LPIN2: variants seen among roughly 807,000 people sequenced by gnomAD.
The protein encoded by LPIN2 is phosphatidate phosphatase LPIN2.
Under a neutral mutation model 111.4 loss-of-function variants are expected in LPIN2, and 55 were observed. The ratio of observed to expected loss-of-function variants is 0.49; its 90% confidence interval spans 0.40 to 0.62. The LOEUF is 0.62. LPIN2 is among the 20% of genes least tolerant of loss of function. LPIN2 has a pLI of 0.00. For synonymous variants in LPIN2, 425 were observed against 414.0 expected (o/e 1.03, Z -0.32); for missense variants, 992 against 1,112.1 (o/e 0.89, Z 1.54).
chr18:2,925,622 G>C lies in LPIN2; in HGVS notation c.1794-254C>G, dbSNP rs1220024840. On this transcript the variant is annotated intron_variant, in intron 13 of 19. Coordinates refer to ENST00000677752, the MANE Select transcript of LPIN2 (RefSeq NM_001375808.2). This position sits in a 1 kb window ranked among gnomAD's most constrained non-coding sequence, Gnocchi z 4.1. The stretch of plus-strand genomic sequence containing the variant: ...CCTGCTATTTTCTGCTATGCCCAGT[G>C]AATGCTAGAAGGTCTACTGACTCTT... 1.3e-5 allele frequency among the ~76,000 whole-genome samples: 2 copies of C among 152,200 alleles called. No individual in the cohort carries two copies. The highest frequency in any genetic ancestry group is 2.4e-5 in the African/African-American group (1 of 41,448).
At chr18:2,956,791 AT>A (rs2077623013) in intron 2 of LPIN2, among the ~76,000 whole-genome samples, 1 of 152,254 alleles carries the variant, frequency 6.6e-6, no homozygotes, top group South Asian at 2.1e-4. Flanking sequence ...GAGATCAAGT[AT>A]GACATTTCTC....
chr18:2,939,365 A>G, intron 6 of LPIN2, 115 bp downstream of exon 6: 1 of 1,258,048 alleles, frequency 7.9e-7, no homozygotes, highest in Non-Finnish European at 1.2e-6. Context: ...TGAGGGCACT[A>G]TCATTTACAT....
At chr18:2,976,226 T>G (rs2078012831) in intron 1 of LPIN2, among the ~76,000 whole-genome samples, 1 of 152,228 alleles carries the variant, frequency 6.6e-6, no homozygotes, top group South Asian at 2.1e-4. Flanking sequence ...CTAATTGTGT[T>G]AATGCCCTGG....
intron 1 of LPIN2, among the ~76,000 whole-genome samples, chr18:2,988,897 T>TAAA (rs2078223852): frequency 6.6e-6 from 1 of 152,230 alleles, no homozygotes; most frequent in Admixed American, 6.5e-5. Context: ...ACAGGGCATT[T>TAAA]AGTTTGTGTA....
intron 1 of LPIN2, among the ~76,000 whole-genome samples, chr18:3,010,220 T>C (rs2078579901): frequency 6.6e-6 from 1 of 151,466 alleles, no homozygotes; most frequent in Non-Finnish European, 1.5e-5. Context: ...AGATTCAAGC[T>C]GACAGCAGGG....
intron 1 of LPIN2, among the ~76,000 whole-genome samples, chr18:2,971,128 C>T (rs964793446): frequency 6.6e-6 from 1 of 152,188 alleles, no homozygotes; most frequent in African/African-American, 2.4e-5. Context: ...AAATTACCAG[C>T]CCCCATCTTC....
At chr18:2,972,927 G>A (rs1252060824) in intron 1 of LPIN2, among the ~76,000 whole-genome samples, 1 of 152,184 alleles carries the variant, frequency 6.6e-6, no homozygotes, top group Non-Finnish European at 1.5e-5. Flanking sequence ...TACATGAGGT[G>A]ACAGATGCTG....
chr18:2,958,442 T>A (rs1332892620), intron 2 of LPIN2, among the ~76,000 whole-genome samples: 26 of 152,032 alleles, frequency 1.7e-4, no homozygotes, highest in Admixed American at 1.7e-3. Flanking sequence ...AAATTTGGGG[T>A]CTTACTTTCA....
intron 2 of LPIN2, among the ~76,000 whole-genome samples, chr18:2,954,925 C>T (rs1339253460): frequency 6.6e-6 from 1 of 152,150 alleles, no homozygotes; most frequent in Non-Finnish European, 1.5e-5. Flanking sequence ...AGTTATGGCA[C>T]AGGCAGGCCT....
At chr18:2,980,567 T>G (rs1598595706) in intron 1 of LPIN2, among the ~76,000 whole-genome samples, 1 of 152,166 alleles carries the variant, frequency 6.6e-6, no homozygotes, top group East Asian at 1.9e-4. Context: ...GACCACTGTT[T>G]GTGTTATTAA....
chr18:2,988,272 A>G (rs1332618789), intron 1 of LPIN2, among the ~76,000 whole-genome samples: 1 of 152,180 alleles, frequency 6.6e-6, no homozygotes, highest in African/African-American at 2.4e-5. Context: ...ATGCAGGCTC[A>G]TTTATGCTCT....
chr18:2,960,174 ATGTGTGTGTGTGTGTGTG>A (rs59457524), intron 2 of LPIN2, among the ~76,000 whole-genome samples: 18 of 136,632 alleles, frequency 1.3e-4, no homozygotes, highest in Middle Eastern at 3.6e-3. Flanking sequence ...CGACTCAAAA[ATGTGTGTGTGTGTGTGTG>A]TGTGTGTGTG....
At chr18:2,935,991 T>C (rs764398408) in intron 7 of LPIN2, among the ~76,000 whole-genome samples, 1 of 152,240 alleles carries the variant, frequency 6.6e-6, no homozygotes, top group African/African-American at 2.4e-5. Flanking sequence ...AGAACTGGAT[T>C]TCCCCCCTTA....
At chr18:2,922,363 C>T (rs1224388302) in intron 16 of LPIN2, among the ~76,000 whole-genome samples, 164 bp from the exon 17 acceptor site, 3 of 151,870 alleles carry the variant, frequency 2.0e-5, no homozygotes, top group African/African-American at 7.3e-5. Flanking sequence ...CAACCTCCAC[C>T]TCCTGGATTC....
intron 1 of LPIN2, among the ~76,000 whole-genome samples, chr18:3,002,998 C>T (rs1598614059): frequency 1.3e-5 from 2 of 152,348 alleles, no homozygotes; most frequent in Admixed American, 1.3e-4. Context: ...GCTTCTCTGG[C>T]CTAGTAAGAC....
chr18:2,944,982 T>A (rs920149112), intron 4 of LPIN2, among the ~76,000 whole-genome samples: 2 of 152,218 alleles, frequency 1.3e-5, no homozygotes, highest in African/African-American at 4.8e-5. Flanking sequence ...AATCCTAATT[T>A]GTTAACAATT....
At position 3,011,938 on chromosome 18, in the gene LPIN2, A is replaced by T. The variant is rs1308444917; in HGVS notation, c.-10+1149T>A. On this transcript the variant is annotated intron_variant, in intron 1 of 19. Coordinates refer to ENST00000677752, the MANE Select transcript of LPIN2 (RefSeq NM_001375808.2). Reference sequence around the variant, plus strand: ...CTCCCCCGCTTCAGCATCACCTGCCACTTCTTCTCAATCTGAAGCCACTAA... The same window carrying T: ...CTCCCCCGCTTCAGCATCACCTGCCTCTTCTTCTCAATCTGAAGCCACTAA... 3 of 152,302 alleles carry T rather than the reference A, an allele frequency of 2.0e-5. No homozygotes were observed. The East Asian group carries it at 5.8e-4, about 29-fold the overall frequency. 9.4% of individuals were successfully genotyped at this position (152,302 alleles called of 1,614,324 possible). A position where few individuals can be genotyped will look rare whatever the true frequency, so the allele number is the denominator to read the frequency against.
At chr18:2,946,154 G>C (rs1435506069) in intron 4 of LPIN2, 19 of 1,609,460 alleles carry the variant, frequency 1.2e-5, no homozygotes, top group Non-Finnish European at 1.6e-5. Flanking sequence ...TTTATCAAGT[G>C]CTTGTTTTAG....
intron 12 of LPIN2, 146 bp downstream of exon 12, chr18:2,927,576 G>C: frequency 5.2e-6 from 4 of 764,962 alleles, no homozygotes; most frequent in Non-Finnish European, 8.9e-6. Flanking sequence ...ACACCTGCAC[G>C]TCCTAAGTGC....
Sources: gnomAD v4.1 joint callset for allele counts (sites outside exome capture counted in the v4.1 genomes callset) on GRCh38, gnomAD v4.1.1 for gene constraint, Gnocchi (gnomAD v3.1) non-coding constraint, MANE v1.5 for transcripts, NCBI Gene and HGNC (gene_info 2026-07-23, HGNC 2026-07-21) for gene names.